Variants in MGMT observed in about 807,000 individuals in gnomAD.
MGMT encodes O-6-methylguanine-DNA methyltransferase.
In MGMT, 14 loss-of-function variants were observed where a neutral mutation model predicts 15.9. The observed-to-expected ratio is 0.88, with a 90% CI of 0.58 to 1.37. MGMT has a LOEUF of 1.37. Among genes scored for constraint, MGMT ranks in the 40% most tolerant of loss-of-function variants. The pLI is 0.00. For missense variants in MGMT, 282 were observed against 268.1 expected (o/e 1.05, Z -0.36); for synonymous variants, 130 against 118.2 (o/e 1.10, Z -0.65).
chr10:129,748,081 C>G (rs930083451), intron 3 of MGMT, among the ~76,000 whole-genome samples: 1 of 152,142 alleles, frequency 6.6e-6, no homozygotes, highest in Non-Finnish European at 1.5e-5. Context: ...CCCCATCTCC[C>G]CTGCGTACTG....
rs891536479 is a variant in MGMT, at chr10:129,549,715, A to C, written c.125+13338A>C. On this transcript the variant is annotated intron_variant, in intron 2 of 4. Coordinates refer to ENST00000651593, the MANE Select transcript of MGMT (RefSeq NM_002412.5). ...TAGAGATGATAAAATTTTTTGTCCGAGTATGACTTTGGTGGTGAATTTAAA... is the reference window on the plus strand; with the variant it reads ...TAGAGATGATAAAATTTTTTGTCCGCGTATGACTTTGGTGGTGAATTTAAA... Among the ~76,000 whole-genome samples the C allele has an allele frequency of 5.9e-5, 9 of 152,302 alleles. 1 individual carries two copies. Among genetic ancestry groups the C allele is most frequent in the Admixed American group, 5.9e-4 (9 of 15,292 alleles).
intron 2 of MGMT, among the ~76,000 whole-genome samples, chr10:129,625,051 A>G (rs1478113721): frequency 6.6e-6 from 1 of 152,220 alleles, no homozygotes; most frequent in Non-Finnish European, 1.5e-5. Context: ...ATGAAATGAC[A>G]AATAATATAA....
intron 2 of MGMT, among the ~76,000 whole-genome samples, chr10:129,705,416 C>T (rs1403156533): frequency 6.6e-6 from 1 of 152,172 alleles, no homozygotes; most frequent in South Asian, 2.1e-4. Flanking sequence ...TAACACAAAC[C>T]CAAAACACGA....
chr10:129,634,109 A>G (rs778599795), intron 2 of MGMT, among the ~76,000 whole-genome samples: 1 of 152,154 alleles, frequency 6.6e-6, no homozygotes, highest in Non-Finnish European at 1.5e-5. Context: ...AGGTATTTTC[A>G]CTGGGTGTAG....
Position 129,770,754 on chromosome 10 carries a change from C to T in MGMT, c.*3757C>T, listed in dbSNP as rs1451660794. 2.0e-5 allele frequency among the ~76,000 whole-genome samples: 3 copies of T among 152,166 alleles called. No homozygotes were observed. Among genetic ancestry groups the T allele is most frequent in the African/African-American group, 4.8e-5 (2 of 41,438 alleles). Reference sequence around the variant, plus strand: ...GAAGATTTTACTGAAAGACCAATCCCGAAACGGCCCTTGCTTCGGCCACAG... The same window carrying T: ...GAAGATTTTACTGAAAGACCAATCCTGAAACGGCCCTTGCTTCGGCCACAG... On this transcript the variant is annotated 3_prime_UTR_variant, in exon 5 of 5. Transcript: ENST00000651593.
chr10:129,725,727 C>T lies in MGMT; in HGVS notation c.274+17684C>T, dbSNP rs534350895. 2.0e-5 allele frequency among the ~76,000 whole-genome samples: 3 copies of T among 152,326 alleles called. No individual in the cohort carries two copies. The East Asian group carries it at 5.8e-4, about 30-fold the overall frequency. ...CCCAGATTGGAGCAGCACCCTGTGC[C>T]CTCAAGAGGAGCACAGCTCACACAT... is the stretch of plus-strand genomic sequence containing the variant. On this transcript the variant is annotated intron_variant, in intron 3 of 4. Coordinates refer to ENST00000651593, the MANE Select transcript of MGMT (RefSeq NM_002412.5).
At chr10:129,694,787 C>T (rs1848011342) in intron 2 of MGMT, among the ~76,000 whole-genome samples, 2 of 152,146 alleles carry the variant, frequency 1.3e-5, no homozygotes, top group Admixed American at 1.3e-4. Context: ...CCAGCCAGCT[C>T]AAAGGAGAAA....
At chr10:129,749,848 G>T (rs1680038644) in intron 3 of MGMT, among the ~76,000 whole-genome samples, 1 of 152,058 alleles carries the variant, frequency 6.6e-6, no homozygotes, top group Admixed American at 6.6e-5. Flanking sequence ...CATTATTTTA[G>T]TGTGCAGCTC....
intron 2 of MGMT, among the ~76,000 whole-genome samples, chr10:129,652,171 C>G (rs1847466422): frequency 6.6e-6 from 1 of 152,206 alleles, no homozygotes; most frequent in African/African-American, 2.4e-5. Context: ...CCCTGGGAGA[C>G]AGGTCCCTGG....
In MGMT at chr10:129,639,388, C is replaced by T. The variant is rs149495434; in HGVS notation, c.126-68507C>T. Among the ~76,000 whole-genome samples the T allele has an allele frequency of 5.3e-5, 8 of 152,198 alleles. No individual in the cohort carries two copies. The East Asian group carries it at 5.8e-4, about 11-fold the overall frequency. On this transcript the variant is annotated intron_variant, in intron 2 of 4. Coordinates refer to ENST00000651593, the MANE Select transcript of MGMT (RefSeq NM_002412.5). ...AATTCCAAAATACATGAAGCAAAAA[C>T]GGAAAGGAGAAATAGATAAGTCCAC...
intron 3 of MGMT, among the ~76,000 whole-genome samples, chr10:129,739,003 C>G (rs538040451): frequency 1.3e-4 from 20 of 152,270 alleles, no homozygotes; most frequent in Admixed American, 1.0e-3. Flanking sequence ...GTTCAACATA[C>G]ACAAATCAAT....
chr10:129,597,319 C>T (rs575318647), intron 2 of MGMT, among the ~76,000 whole-genome samples: 7 of 152,258 alleles, frequency 4.6e-5, no homozygotes, highest in East Asian at 1.9e-4. Context: ...CTGGAAAACT[C>T]GGCATCAGTT....
intron 2 of MGMT, among the ~76,000 whole-genome samples, chr10:129,586,987 T>C (rs1191116660): frequency 6.6e-6 from 1 of 152,250 alleles, no homozygotes; most frequent in Non-Finnish European, 1.5e-5. Flanking sequence ...TATTTTCATA[T>C]TTAAAAGATA....
intron 2 of MGMT, among the ~76,000 whole-genome samples, chr10:129,600,576 T>G (rs529078202): frequency 6.6e-6 from 1 of 152,380 alleles, no homozygotes; most frequent in Non-Finnish European, 1.5e-5. Context: ...AGCCTATTTC[T>G]TTGCTCATTG....
chr10:129,738,275 C>T (rs755032886), intron 3 of MGMT, among the ~76,000 whole-genome samples: 19 of 152,200 alleles, frequency 1.2e-4, no homozygotes, highest in African/African-American at 1.9e-4. Flanking sequence ...TTTTTAAGCC[C>T]GTCGGAAAAG....
At chr10:129,695,948 G>A (rs1848026709) in intron 2 of MGMT, among the ~76,000 whole-genome samples, 1 of 152,144 alleles carries the variant, frequency 6.6e-6, no homozygotes, top group African/African-American at 2.4e-5. Context: ...GTCATGATTC[G>A]GGGTGACCAC....
At chr10:129,607,244 T>C (rs1220902668) in intron 2 of MGMT, among the ~76,000 whole-genome samples, 2 of 152,046 alleles carry the variant, frequency 1.3e-5, no homozygotes, top group Non-Finnish European at 2.9e-5. Flanking sequence ...TCATTTTTTT[T>C]TTTTTCTCTT....
chr10:129,530,794 G>A (rs1845922398), intron 1 of MGMT, among the ~76,000 whole-genome samples: 1 of 152,234 alleles, frequency 6.6e-6, no homozygotes, highest in African/African-American at 2.4e-5. Flanking sequence ...GGCACACCAG[G>A]CCTCATCCCC....
chr10:129,614,449 C>T (rs567240305), intron 2 of MGMT, among the ~76,000 whole-genome samples: 3 of 152,290 alleles, frequency 2.0e-5, no homozygotes, highest in Non-Finnish European at 2.9e-5. Context: ...TCCCTGTGCT[C>T]GCTATGACTT....
Sources: gnomAD v4.1 joint callset for allele counts (sites outside exome capture counted in the v4.1 genomes callset) on GRCh38, gnomAD v4.1.1 for gene constraint, MANE v1.5 for transcripts, NCBI Gene and HGNC (gene_info 2026-07-23, HGNC 2026-07-21) for gene names.